The following MAD1L1 variants were observed in gnomAD, a reference collection of about 807,000 sequenced individuals.
The protein encoded by MAD1L1 is mitotic arrest deficient 1 like 1.
Under a neutral mutation model 96.9 loss-of-function variants are expected in MAD1L1, and 95 were observed. That is an observed-to-expected ratio of 0.98 (90% CI 0.83 to 1.16). The LOEUF (loss-of-function observed/expected upper bound fraction) is 1.16, where lower values mean the gene tolerates loss of function less well. MAD1L1 is among the 50% of genes most tolerant of loss of function. The probability of loss-of-function intolerance (pLI) is 0.00; values close to 1 mark genes in which losing one functional copy is unlikely to be tolerated. For synonymous variants in MAD1L1, 473 were observed against 396.6 expected, an observed-to-expected ratio of 1.19 and a Z score of -2.29; for missense variants, 1,007 against 954.4, an observed-to-expected ratio of 1.06 and a Z score of -0.73.
chr7:2,227,910 C>T (rs1263560674), intron 3 of MAD1L1, among the ~76,000 whole-genome samples: 3 of 152,158 alleles, frequency 2.0e-5, no homozygotes, highest in African/African-American at 7.2e-5. Flanking sequence ...AGAAAGGAAC[C>T]CTGAAAGTTT....
chr7:1,950,315 T>TGTCC (rs57948882), intron 16 of MAD1L1, among the ~76,000 whole-genome samples: 45,486 of 151,792 alleles, frequency 0.3, 8,190 homozygotes, highest in East Asian at 0.47. Flanking sequence ...ACCATCCGTC[T>TGTCC]GTCCGTCCGT....
chr7:2,198,050 C>T (rs1792084105), intron 10 of MAD1L1, among the ~76,000 whole-genome samples: 1 of 152,032 alleles, frequency 6.6e-6, no homozygotes. Context: ...CCACAAGCGC[C>T]CCCGCTCATC....
chr7:1,874,370 G>C, intron 18 of MAD1L1: 1 of 372,258 alleles, frequency 2.7e-6, no homozygotes, highest in South Asian at 2.0e-5. Context: ...GTCTCAGGAG[G>C]AGACGTTGCA....
chr7:1,971,593 G>T (rs1482092382), intron 15 of MAD1L1, among the ~76,000 whole-genome samples: 1 of 152,048 alleles, frequency 6.6e-6, no homozygotes, highest in African/African-American at 2.4e-5. Context: ...AGTTAAAGAC[G>T]GTAGCTTGAA....
intron 11 of MAD1L1, among the ~76,000 whole-genome samples, chr7:2,079,514 C>T (rs149131320): frequency 1.3e-5 from 2 of 152,332 alleles, no homozygotes; most frequent in East Asian, 3.9e-4. Context: ...CTCTGATGAA[C>T]GCTCTGTTCC....
intron 17 of MAD1L1, among the ~76,000 whole-genome samples, chr7:1,914,128 C>A (rs946538049): frequency 6.6e-6 from 1 of 152,204 alleles, no homozygotes; most frequent in Non-Finnish European, 1.5e-5. Context: ...CTCTGCCACA[C>A]GCCCTCACTG....
rs1781046102 is a variant in MAD1L1 at position 1,984,172 on chromosome 7, T to G, written c.1417-3631A>C. Among the ~76,000 whole-genome samples the G allele has an allele frequency of 2.0e-5, 3 of 152,248 alleles. No individual in the cohort carries two copies. In the South Asian group the frequency reaches 6.2e-4, roughly 31 times the overall value. On this transcript the variant is annotated intron_variant, in intron 14 of 18. Coordinates refer to ENST00000265854, the MANE Select transcript of MAD1L1 (RefSeq NM_001013836.2). ...AATCGTACTTCTTTGAACCAAGAAT[T>G]GTTTAAGACACAGTGTTTTGTTCTG...
intron 16 of MAD1L1, among the ~76,000 whole-genome samples, chr7:1,943,568 G>A (rs985135049): frequency 2.6e-5 from 4 of 152,210 alleles, no homozygotes; most frequent in Non-Finnish European, 4.4e-5. Flanking sequence ...ATCACAGCCA[G>A]GTATCACTTT....
At chr7:1,908,018 G>A (rs1787778936) in intron 17 of MAD1L1, among the ~76,000 whole-genome samples, 1 of 152,256 alleles carries the variant, frequency 6.6e-6, no homozygotes, top group African/African-American at 2.4e-5. Context: ...CACCCTGCAA[G>A]GGTGAGATGA....
At position 1,816,148 on chromosome 7, in the gene MAD1L1, G is replaced by T. The variant is rs1264012156; in HGVS notation, c.2079C>A (p.His693Gln). 2 of 1,613,328 alleles carry T rather than the reference G, an allele frequency of 1.2e-6. No individual in the cohort carries two copies. Among genetic ancestry groups the T allele is most frequent in the African/African-American group, 2.7e-5 (2 of 75,030 alleles). Residue 693 changes from histidine (H) to glutamine (Q), a missense_variant, in exon 19 of 19, where the codon CAC (histidine) becomes CAA (glutamine). Coordinates refer to ENST00000265854, the MANE Select transcript of MAD1L1 (RefSeq NM_001013836.2). ...SHTVGELIEV[H>Q]LRRQDSIPAF... Reference sequence around the variant, plus strand: ...CAGGGATGCTGTCCTGGCGCCGCAGGTGCACCTCGATGAGCTCGCCCACGG... The same window carrying T: ...CAGGGATGCTGTCCTGGCGCCGCAGTTGCACCTCGATGAGCTCGCCCACGG...
chr7:2,222,953 C>T (rs1020251176), intron 4 of MAD1L1, among the ~76,000 whole-genome samples, 199 bp from the exon 5 acceptor site: 4 of 152,222 alleles, frequency 2.6e-5, no homozygotes, highest in Admixed American at 6.5e-5. Context: ...GGCACCATGA[C>T]GGTGAGCACT....
At chr7:1,919,772 C>A (rs928055343) in intron 17 of MAD1L1, among the ~76,000 whole-genome samples, 4 of 152,234 alleles carry the variant, frequency 2.6e-5, no homozygotes, top group Admixed American at 2.6e-4. Context: ...GGACCATGGC[C>A]CAAGTCCAAA....
intron 17 of MAD1L1, among the ~76,000 whole-genome samples, chr7:1,913,836 C>G (rs996145143): frequency 2.0e-5 from 3 of 152,158 alleles, no homozygotes; most frequent in African/African-American, 7.2e-5. Flanking sequence ...GCCATACAGA[C>G]TTCACCCCTA....
At chr7:1,868,055 C>CTT (rs1784863782) in intron 18 of MAD1L1, among the ~76,000 whole-genome samples, 1 of 152,124 alleles carries the variant, frequency 6.6e-6, no homozygotes, top group Non-Finnish European at 1.5e-5. Context: ...AGTAATTCCC[C>CTT]TACTGACCTC....
chr7:2,139,783 G>A (rs545905521), intron 11 of MAD1L1, among the ~76,000 whole-genome samples: 115 of 152,292 alleles, frequency 7.6e-4, no homozygotes, highest in Non-Finnish European at 1.5e-3. Context: ...GCTGCAGCTC[G>A]GACCACACTT....
intron 10 of MAD1L1, among the ~76,000 whole-genome samples, chr7:2,170,931 C>G (rs1466858127): frequency 6.6e-6 from 1 of 152,212 alleles, no homozygotes; most frequent in Non-Finnish European, 1.5e-5. Flanking sequence ...CAGTTAAACA[C>G]AGGCAGAAAC....
intron 12 of MAD1L1, among the ~76,000 whole-genome samples, chr7:2,030,426 C>T (rs1412194513): frequency 6.6e-6 from 1 of 152,266 alleles, no homozygotes; most frequent in African/African-American, 2.4e-5. Flanking sequence ...AAAGCACTGA[C>T]AAAGTGTCAC....
intron 11 of MAD1L1, chr7:2,080,022 T>C (rs7796547): frequency 0.71 from 211,174 of 298,646 alleles, 75,707 homozygotes; most frequent in African/African-American, 0.81. Context: ...CCGTCAACCC[T>C]GTCAGCGCTG....
intron 11 of MAD1L1, among the ~76,000 whole-genome samples, chr7:2,129,518 G>A (rs920487432): frequency 3.9e-5 from 6 of 152,172 alleles, no homozygotes; most frequent in South Asian, 2.1e-4. Flanking sequence ...AGGAACACGC[G>A]CTTCTCAGAG....
Sources: gnomAD v4.1 joint callset for allele counts (sites outside exome capture counted in the v4.1 genomes callset) on GRCh38, gnomAD v4.1.1 for gene constraint, MANE v1.5 for transcripts, NCBI Gene and HGNC (gene_info 2026-07-23, HGNC 2026-07-21) for gene names.